Variants in CAPRIN1 observed in about 807,000 individuals in gnomAD.
CAPRIN1 encodes cell cycle associated protein 1.
CAPRIN1 carries 29 observed loss-of-function variants against 100.9 expected under a neutral mutation model. The ratio of observed to expected loss-of-function variants is 0.29; its 90% CI spans 0.21 to 0.39. The LOEUF (loss-of-function observed/expected upper bound fraction) is 0.39, where lower values mean the gene tolerates loss of function less well. Ranked by LOEUF, CAPRIN1 falls within the 10% of genes least tolerant of loss-of-function variation. The probability of loss-of-function intolerance (pLI) is 1.00; values close to 1 mark genes in which losing one functional copy is unlikely to be tolerated. For synonymous variants in CAPRIN1, 338 were observed against 307.5 expected (o/e 1.10, Z -1.04); for missense variants, 795 against 876.7 (o/e 0.91, Z 1.18).
chr11:34,065,673 G>A (rs958185457), intron 2 of CAPRIN1, among the ~76,000 whole-genome samples: 2 of 152,174 alleles, frequency 1.3e-5, no homozygotes, highest in African/African-American at 2.4e-5. Context: ...AAAGTTCTTT[G>A]TATACCTCAA....
chr11:34,099,735 A>G lies in CAPRIN1; in HGVS notation c.*368A>G, dbSNP rs947829166. The G allele has an allele frequency of 5.4e-6, 1 of 185,470 alleles. No individual in the cohort carries two copies. Among genetic ancestry groups the G allele is most frequent in the South Asian group, 1.7e-4 (1 of 5,734 alleles). 11.5% of individuals were successfully genotyped at this position (185,470 alleles called of 1,614,324 possible). A position where few individuals can be genotyped will look rare whatever the true frequency, so the allele number is the denominator to read the frequency against. ...TTTATGACATTGGATAAAATCTACA[A>G]ATCAGCCCTCGAGTTATTCAATGAT... On this transcript the variant is annotated 3_prime_UTR_variant, in exon 19 of 19. Transcript: ENST00000341394.
chr11:34,076,420 C>A lies in CAPRIN1; in HGVS notation c.551C>A (p.Ser184Ter). Reference protein sequence around the residue: ...GVPILSEEELSLLDEFYKLVD... With the variant: ...GVPILSEEEL ...CCAATATTGTCCGAAGAGGAGTTGT[C>A]ATTGTTGGATGAATTCTATAAGCTA... The change falls in exon 5 of 19, where the codon TCA becomes TAA. Residue 184 changes from serine to a stop codon, truncating the protein, a stop_gained. Coordinates refer to ENST00000341394, the MANE Select transcript of CAPRIN1 (RefSeq NM_005898.5). LOFTEE classifies it high-confidence loss of function. The A allele has an allele frequency of 6.2e-7, 1 of 1,614,128 alleles. No homozygotes were observed. The highest frequency in any genetic ancestry group is 1.1e-5 in the South Asian group (1 of 91,068).
intron 9 of CAPRIN1, among the ~76,000 whole-genome samples, chr11:34,083,458 T>C (rs1851072064): frequency 6.6e-6 from 1 of 152,212 alleles, no homozygotes; most frequent in Non-Finnish European, 1.5e-5. Context: ...TCTCAACTGA[T>C]AATGATGATT....
intron 13 of CAPRIN1, 102 bp from the exon 14 acceptor site, chr11:34,090,427 A>T: frequency 7.2e-7 from 1 of 1,382,664 alleles, no homozygotes; most frequent in South Asian, 1.3e-5. Context: ...TTGTTAATAC[A>T]TATAAGTTTG....
chr11:34,097,737 A>G lies in CAPRIN1; in HGVS notation c.2041A>G (p.Ser681Gly), dbSNP rs750785337. The G allele has an allele frequency of 5.0e-6, 8 of 1,614,130 alleles. No homozygotes were observed. Among genetic ancestry groups the G allele is most frequent in the Non-Finnish European group, 5.9e-6 (7 of 1,179,962 alleles). Residue 681 changes from serine (S) to glycine (G), a missense_variant, in exon 18 of 19, where the codon AGT becomes GGT. Ser to Gly is a moderately conservative substitution (Grantham distance 56, BLOSUM62 0). This residue lies in a region of CAPRIN1 where 648 missense variants were observed against 697.9 expected (regional missense o/e 0.93). Transcript: ENST00000341394. Reference sequence around the variant, plus strand: ...GAATTTCAAGCGAGGCTCTGGGCAGAGTGGACCACGGGGAGCCCCACGAGG... The same window carrying G: ...GAATTTCAAGCGAGGCTCTGGGCAGGGTGGACCACGGGGAGCCCCACGAGG... ...QQNFKRGSGQSGPRGAPRGRG... is the reference protein window; with the variant it reads ...QQNFKRGSGQGGPRGAPRGRG...
intron 2 of CAPRIN1, chr11:34,052,975 C>T (rs1055155006): frequency 2.2e-5 from 24 of 1,081,412 alleles, no homozygotes; most frequent in South Asian, 5.6e-5. Flanking sequence ...TGGTGCCCTT[C>T]TTTCCGTCTC....
intron 2 of CAPRIN1, among the ~76,000 whole-genome samples, chr11:34,053,848 C>T (rs1850389688): frequency 6.6e-6 from 1 of 152,136 alleles, no homozygotes; most frequent in Non-Finnish European, 1.5e-5. Flanking sequence ...TTTGTAAAAA[C>T]GAGGTAATTA....
chr11:34,086,795 T>G (rs563268048), intron 11 of CAPRIN1, among the ~76,000 whole-genome samples: 91 of 152,336 alleles, frequency 6.0e-4, no homozygotes, highest in African/African-American at 2.1e-3. Context: ...TACTTGTAAC[T>G]GTAATAGACC....
chr11:34,062,816 T>G (rs1850609430), intron 2 of CAPRIN1, among the ~76,000 whole-genome samples: 1 of 152,114 alleles, frequency 6.6e-6, no homozygotes, highest in Non-Finnish European at 1.5e-5. Context: ...CCCTCTCAGT[T>G]TAGACATCTC....
intron 2 of CAPRIN1, 170 bp downstream of exon 2, chr11:34,052,806 G>T (rs1467382231): frequency 2.1e-6 from 3 of 1,447,948 alleles, no homozygotes; most frequent in Admixed American, 5.7e-5. Context: ...GGAGCTTCGT[G>T]CCCAGAAAAC....
At chr11:34,054,748 A>C (rs1850412262) in intron 2 of CAPRIN1, among the ~76,000 whole-genome samples, 1 of 152,182 alleles carries the variant, frequency 6.6e-6, no homozygotes, top group African/African-American at 2.4e-5. Context: ...TAATGCAGTA[A>C]GCAAGCCTGC....
intron 18 of CAPRIN1, 77 bp from the exon 19 acceptor site, chr11:34,099,226 A>G: frequency 2.5e-6 from 4 of 1,573,020 alleles, no homozygotes; most frequent in Non-Finnish European, 3.5e-6. Flanking sequence ...ATGCTTCTTG[A>G]CTTCAGATGA....
At chr11:34,066,750 C>T (rs533766099) in intron 2 of CAPRIN1, among the ~76,000 whole-genome samples, 4 of 151,920 alleles carry the variant, frequency 2.6e-5, no homozygotes, top group African/African-American at 9.7e-5. Context: ...CTCAGCCTCC[C>T]GAGTAGCTGG....
chr11:34,064,428 C>A (rs1850645082), intron 2 of CAPRIN1, among the ~76,000 whole-genome samples: 1 of 152,178 alleles, frequency 6.6e-6, no homozygotes, highest in African/African-American at 2.4e-5. Context: ...AAGATGGCAT[C>A]ATTTTTCTCT....
chr11:34,096,678 A>G lies in CAPRIN1; in HGVS notation c.1900+5A>G. Reference sequence around the variant, plus strand: ...GCCCTGCCAATGGATTCAGAGGTAAAAAAATAAAAAAGGAGGTTCTAATGA... The same window carrying G: ...GCCCTGCCAATGGATTCAGAGGTAAGAAAATAAAAAAGGAGGTTCTAATGA... On this transcript the variant is annotated splice_donor_5th_base_variant and intron_variant, in intron 16 of 18. Transcript: ENST00000341394. The G allele has an allele frequency of 6.3e-6, 10 of 1,579,324 alleles. No individual in the cohort carries two copies. Among genetic ancestry groups the G allele is most frequent in the Non-Finnish European group, 8.6e-6 (10 of 1,158,616 alleles).
chr11:34,094,829 A>G (rs1851337105), intron 15 of CAPRIN1, among the ~76,000 whole-genome samples: 1 of 151,948 alleles, frequency 6.6e-6, no homozygotes, highest in South Asian at 2.1e-4. Context: ...TAAATAAAAT[A>G]AAGATCACAC....
chr11:34,052,812 A>C, intron 2 of CAPRIN1, 176 bp downstream of exon 2: 3 of 1,452,850 alleles, frequency 2.1e-6, no homozygotes, highest in Non-Finnish European at 2.7e-6. Context: ...TCGTGCCCAG[A>C]AAACGGGCTC....
intron 14 of CAPRIN1, among the ~76,000 whole-genome samples, chr11:34,091,346 G>A (rs1249081605): frequency 6.6e-6 from 1 of 152,144 alleles, no homozygotes; most frequent in Non-Finnish European, 1.5e-5. Context: ...GAGTGTAGTG[G>A]CGTGATCTCA....
chr11:34,097,122 G>A (rs544685622), intron 16 of CAPRIN1, 74 bp from the exon 17 acceptor site: 115 of 1,000,344 alleles, frequency 1.1e-4, no homozygotes, highest in African/African-American at 9.7e-4. Flanking sequence ...AGTTCTTCCC[G>A]TCTTCATTAA....
Sources: gnomAD v4.1 joint callset for allele counts (sites outside exome capture counted in the v4.1 genomes callset) on GRCh38, gnomAD v4.1.1 for gene constraint, gnomAD v4.1.1 regional missense constraint, MANE v1.5 for transcripts, NCBI Gene and HGNC (gene_info 2026-07-23, HGNC 2026-07-21) for gene names.